ZNF732: variants seen among roughly 807,000 people sequenced by gnomAD.
ZNF732 encodes zinc finger protein LOC654254.
ZNF732 carries 12 observed loss-of-function variants against 11.5 expected under a neutral mutation model. The observed-to-expected ratio is 1.05, with a 90% CI of 0.67 to 1.70. The LOEUF (loss-of-function observed/expected upper bound fraction) is 1.70, where lower values mean the gene tolerates loss of function less well. Ranked by LOEUF, ZNF732 falls within the 40% of genes most tolerant of loss-of-function variation. The probability of loss-of-function intolerance (pLI) is 0.00; values close to 1 mark genes in which losing one functional copy is unlikely to be tolerated. For synonymous variants in ZNF732, 231 were observed against 236.5 expected (o/e 0.98, Z 0.21); for missense variants, 702 against 676.9 (o/e 1.04, Z -0.41).
At chr4:289,831 C>T (rs1047918495) in intron 3 of ZNF732, among the ~76,000 whole-genome samples, 4 of 152,174 alleles carry the variant, frequency 2.6e-5, no homozygotes, top group African/African-American at 9.7e-5. Flanking sequence ...ACCCTACGAT[C>T]CCATCACCTC....
At chr4:294,498 A>C (rs1719906247) in intron 3 of ZNF732, among the ~76,000 whole-genome samples, 2 of 152,238 alleles carry the variant, frequency 1.3e-5, no homozygotes, top group Admixed American at 1.3e-4. Flanking sequence ...ATAGTTATTA[A>C]GAAATAAGGT....
chr4:285,628 G>A (rs932442326), intron 3 of ZNF732, among the ~76,000 whole-genome samples: 3 of 152,114 alleles, frequency 2.0e-5, no homozygotes, highest in Non-Finnish European at 4.4e-5. Context: ...TCTCACCCCC[G>A]GAGGATACCT....
At chr4:300,180 T>TGGC (rs1485975077) in intron 1 of ZNF732, among the ~76,000 whole-genome samples, 1 of 150,668 alleles carries the variant, frequency 6.6e-6, no homozygotes, top group East Asian at 2.0e-4. Flanking sequence ...TAGCCATTTG[T>TGGC]GGCCAGGCAT....
At chr4:285,898 C>A (rs893751970) in intron 3 of ZNF732, among the ~76,000 whole-genome samples, 5 of 152,202 alleles carry the variant, frequency 3.3e-5, no homozygotes, top group Non-Finnish European at 5.9e-5. Context: ...TGCCACCATG[C>A]CCGGCTAATG....
intron 1 of ZNF732, among the ~76,000 whole-genome samples, chr4:299,428 CATATGTGTATATATAT>C (rs1560165171): frequency 1.1e-4 from 9 of 79,488 alleles, no homozygotes; most frequent in African/African-American, 3.5e-4. Flanking sequence ...CATATATACA[CATATGTGTATATATAT>C]ATATATACAC....
chr4:298,046 TACA>T (rs1402440249), intron 1 of ZNF732, among the ~76,000 whole-genome samples: 3 of 152,214 alleles, frequency 2.0e-5, no homozygotes, highest in African/African-American at 4.8e-5. Flanking sequence ...TTTAATAACA[TACA>T]ACAAGGAATT....
At chr4:301,304 G>A (rs1720113929) in intron 1 of ZNF732, among the ~76,000 whole-genome samples, 1 of 152,208 alleles carries the variant, frequency 6.6e-6, no homozygotes, top group African/African-American at 2.4e-5. Context: ...GTGGAAGACA[G>A]TGTGGCGATT....
intron 3 of ZNF732, among the ~76,000 whole-genome samples, chr4:294,174 G>A (rs1719900098): frequency 6.6e-6 from 1 of 152,044 alleles, no homozygotes; most frequent in South Asian, 2.1e-4. Flanking sequence ...CTAACTTTTT[G>A]TATTTTTAGT....
chr4:288,551 T>C (rs1458141491), intron 3 of ZNF732, among the ~76,000 whole-genome samples: 1 of 152,210 alleles, frequency 6.6e-6, no homozygotes, highest in Non-Finnish European at 1.5e-5. Context: ...CATTTGAGCA[T>C]ATACATGATG....
At chr4:284,894 G>GAAA (rs1719699881) in intron 3 of ZNF732, among the ~76,000 whole-genome samples, 1 of 129,888 alleles carries the variant, frequency 7.7e-6, no homozygotes. Context: ...AAAAAAAAAA[G>GAAA]AAGAAGAAAA....
At position 272,221 on chromosome 4, in the gene ZNF732, T is replaced by C. The variant is rs1560155748; in HGVS notation, c.636A>G (p.Glu212=). ...KDFKWYLIFN[E]YEIIHTGEKP... is the part of the protein sequence containing the mutation. ...TCTCTCCAGTATGAATTATCTCATA[T>C]TCATTAAAGATTAAATACCATTTAA... Residue 212 remains glutamate (E), a synonymous_variant, in exon 4 of 4, where the codon GAA becomes GAG. Coordinates refer to ENST00000419098, the MANE Select transcript of ZNF732 (RefSeq NM_001137608.3). 2 of 1,612,784 alleles carry C rather than the reference T, an allele frequency of 1.2e-6. No homozygotes were observed. The highest frequency in any genetic ancestry group is 1.7e-5 in the Admixed American group (1 of 59,878).
In ZNF732 at chr4:272,478, T is replaced by C; in HGVS notation, c.379A>G (p.Asn127Asp). 1 of 1,602,702 alleles carries C rather than the reference T, an allele frequency of 6.2e-7. No homozygotes were observed. Reference sequence around the variant, plus strand: ...GTTGACAAGCATTGATTAAATTCATTATAACCTCCTTTCTGCACCTTCCTT... The same window carrying C: ...GTTGACAAGCATTGATTAAATTCATCATAACCTCCTTTCTGCACCTTCCTT... ...CKRKVQKGGY[N>D]EFNQCLSTIQ... The change falls in exon 4 of 4, where the codon AAT (asparagine) becomes GAT (aspartate). Residue 127 changes from asparagine to aspartate, a missense_variant. Transcript: ENST00000419098.
chr4:273,587 A>C (rs1189716852), intron 3 of ZNF732, among the ~76,000 whole-genome samples: 1 of 151,946 alleles, frequency 6.6e-6, no homozygotes, highest in Non-Finnish European at 1.5e-5. Flanking sequence ...AAAACAAATC[A>C]TGAAGGTGAA....
intron 1 of ZNF732, among the ~76,000 whole-genome samples, chr4:304,813 T>C (rs902224863): frequency 3.7e-4 from 57 of 152,210 alleles, no homozygotes; most frequent in African/African-American, 1.3e-3. Flanking sequence ...GGGCGGGTGA[T>C]TTGCTTCGCT....
intron 3 of ZNF732, among the ~76,000 whole-genome samples, chr4:285,666 C>T (rs1431677563): frequency 6.6e-6 from 1 of 152,204 alleles, no homozygotes; most frequent in Non-Finnish European, 1.5e-5. Flanking sequence ...CACAGTGTGA[C>T]AGCTTCTGTG....
At chr4:299,461 G>GTATATATATATACACACATATGTGTA (rs1720052826) in intron 1 of ZNF732, among the ~76,000 whole-genome samples, 2 of 83,544 alleles carry the variant, frequency 2.4e-5, no homozygotes, top group African/African-American at 1.2e-4. Context: ...ACACATATGT[G>GTATATATATATACACACATATGTGTA]TATATATATA....
At position 305,389 on chromosome 4, in the gene ZNF732, G is replaced by C. The variant is rs10019188; in HGVS notation, c.-79C>G. The C allele has an allele frequency of 2.5e-6, 4 of 1,588,602 alleles. No homozygotes were observed. Among genetic ancestry groups the C allele is most frequent in the South Asian group, 2.2e-5 (2 of 90,654 alleles). Reference sequence around the variant, plus strand: ...CAGGTCACAGAGCGACGGAGGCTGAGGCTGTGACCGAATCACCGACGCCTC... The same window carrying C: ...CAGGTCACAGAGCGACGGAGGCTGACGCTGTGACCGAATCACCGACGCCTC... On this transcript the variant is annotated 5_prime_UTR_variant, in exon 1 of 4. Coordinates refer to ENST00000419098, the MANE Select transcript of ZNF732 (RefSeq NM_001137608.3).
chr4:272,306 T>A lies in ZNF732; in HGVS notation c.551A>T (p.Gln184Leu). The stretch of plus-strand genomic sequence containing the variant: ...CTCTCCAGCATGAATTCCTTGATGT[T>A]GAGTTAGGTCTGAGAACTTCTGAAA... ...KSFQKFSDLTQHQGIHAGEKP... is the reference protein window; with the variant it reads ...KSFQKFSDLTLHQGIHAGEKP... Residue 184 changes from glutamine (Q) to leucine (L), a missense_variant, in exon 4 of 4, where the codon CAA (glutamine) becomes CTA (leucine). Coordinates refer to ENST00000419098, the MANE Select transcript of ZNF732 (RefSeq NM_001137608.3). 1 of 1,613,022 alleles carries A rather than the reference T, an allele frequency of 6.2e-7. No individual in the cohort carries two copies.
chr4:299,694 CTT>C (rs1268663238), intron 1 of ZNF732, among the ~76,000 whole-genome samples: 16 of 117,688 alleles, frequency 1.4e-4, no homozygotes, highest in African/African-American at 1.3e-4. Flanking sequence ...AATATATATA[CTT>C]TTTTTTTTTT....
Sources: gnomAD v4.1 joint callset for allele counts (sites outside exome capture counted in the v4.1 genomes callset) on GRCh38, gnomAD v4.1.1 for gene constraint, MANE v1.5 for transcripts, NCBI Gene and HGNC (gene_info 2026-07-23, HGNC 2026-07-21) for gene names.